The following GUCY2C variants were observed in gnomAD, a reference collection of about 807,000 sequenced individuals.
GUCY2C encodes the protein guanylate cyclase 2C, also known as guanylyl cyclase C.
Under a neutral mutation model 131.1 loss-of-function variants are expected in GUCY2C, and 118 were observed. The observed-to-expected ratio is 0.90, with a 90% CI of 0.78 to 1.05. GUCY2C has a LOEUF of 1.05. GUCY2C is among the 50% of genes least tolerant of loss of function. The pLI, the probability that GUCY2C is intolerant of heterozygous loss-of-function variation, is 0.00. For synonymous variants in GUCY2C, 452 were observed against 457.8 expected, an observed-to-expected ratio of 0.99 and a Z score of 0.16; for missense variants, 1,161 against 1,304.4, an observed-to-expected ratio of 0.89 and a Z score of 1.69.
chr12:14,656,794 C>G (rs1947771585), intron 11 of GUCY2C, among the ~76,000 whole-genome samples, 177 bp from the exon 12 acceptor site: 1 of 152,190 alleles, frequency 6.6e-6, no homozygotes, highest in Non-Finnish European at 1.5e-5. Context: ...GCCAGTGGAC[C>G]TGCAAGGATT....
intron 9 of GUCY2C, chr12:14,672,320 T>G (rs952805362): frequency 1.3e-5 from 2 of 152,038 alleles, no homozygotes; most frequent in African/African-American, 4.8e-5. Flanking sequence ...GAGAGGTGAG[T>G]AGACCACTTA....
chr12:14,653,578 A>G (rs978215409), intron 12 of GUCY2C, among the ~76,000 whole-genome samples: 1 of 152,244 alleles, frequency 6.6e-6, no homozygotes, highest in Non-Finnish European at 1.5e-5. Flanking sequence ...AATGTCAAAT[A>G]TTGAACAAAA....
rs548146188 is a variant in GUCY2C at position 14,662,542 on chromosome 12, G to A, written c.1283-1480C>T. The stretch of plus-strand genomic sequence containing the variant: ...ATACAAAAAATTATCTGGCCGTGGT[G>A]GTGGGTGCCTGTAATCCCAGCTATT... On this transcript the variant is annotated intron_variant, in intron 10 of 26. Coordinates refer to ENST00000261170, the MANE Select transcript of GUCY2C (RefSeq NM_004963.4). 4.6e-5 allele frequency among the ~76,000 whole-genome samples: 7 copies of A among 152,120 alleles called. No individual in the cohort carries two copies. The East Asian group carries it at 1.2e-3, about 25-fold the overall frequency.
intron 24 of GUCY2C, among the ~76,000 whole-genome samples, chr12:14,618,676 C>G (rs1383049387): frequency 2.0e-5 from 3 of 152,088 alleles, no homozygotes; most frequent in Non-Finnish European, 4.4e-5. Context: ...TGGTATGTTC[C>G]TGTAGTCCCA....
Sources: allele counts gnomAD v4.1 joint callset (sites outside exome capture counted in the v4.1 genomes callset), GRCh38; gene constraint gnomAD v4.1.1; transcripts MANE v1.5; gene names NCBI Gene and HGNC (gene_info 2026-07-23, HGNC 2026-07-21).